The following SMPX variants were observed in gnomAD, a reference collection of about 807,000 sequenced individuals.
SMPX encodes small muscle protein X-linked.
A neutral mutation model predicts 6.3 loss-of-function variants in SMPX; 2 were observed. The observed-to-expected ratio is 0.32, with a 90% CI of 0.13 to 0.99. The LOEUF is 0.99. Ranked by LOEUF, SMPX falls within the 50% of genes least tolerant of loss-of-function variation. The pLI, the probability that SMPX is intolerant of heterozygous loss-of-function variation, is 0.49. For synonymous variants in SMPX, 32 were observed against 24.7 expected, an observed-to-expected ratio of 1.30 and a Z score of -0.88; for missense variants, 60 against 66.8, an observed-to-expected ratio of 0.90 and a Z score of 0.36.
chrX:21,719,437 G>A (rs1048071066), intron 4 of SMPX, among the ~76,000 whole-genome samples: 1 of 110,175 alleles, frequency 9.1e-6, no homozygotes, highest in Non-Finnish European at 1.9e-5. Context: ...AGACTCGCTT[G>A]AACCCGGGAG....
At chrX:21,727,207 G>T (rs2092797949) in intron 4 of SMPX, 1 of 112,693 alleles carries the variant, frequency 8.9e-6, no homozygotes, top group Non-Finnish European at 1.9e-5. Flanking sequence ...GCATTATGAA[G>T]AAGAAGGTTA....
chrX:21,756,725 A>C (rs1487852692), intron 1 of SMPX, among the ~76,000 whole-genome samples: 1 of 112,627 alleles, frequency 8.9e-6, no homozygotes, highest in East Asian at 2.8e-4. Flanking sequence ...GGGACCAAGA[A>C]AAGAAAACTA....
intron 2 of SMPX, among the ~76,000 whole-genome samples, chrX:21,745,388 A>G (rs992726032): frequency 4.5e-5 from 5 of 111,770 alleles, no homozygotes; most frequent in African/African-American, 1.6e-4. Context: ...ATATGGAGCC[A>G]TACTTCATGA....
intron 4 of SMPX, among the ~76,000 whole-genome samples, chrX:21,718,663 A>C (rs192272715): frequency 1.8e-3 from 200 of 112,182 alleles, no homozygotes; most frequent in African/African-American, 6.2e-3. Flanking sequence ...TTTATTGAAC[A>C]GGGGAAATAA....
chrX:21,707,583 C>T (rs1472024567), intron 4 of SMPX, among the ~76,000 whole-genome samples: 1 of 112,520 alleles, frequency 8.9e-6, no homozygotes, highest in Admixed American at 9.4e-5. Flanking sequence ...TTTTCTACCA[C>T]TGTGGGTGGG....
intron 4 of SMPX, among the ~76,000 whole-genome samples, chrX:21,715,296 GTGTGTGTGCGCGCACGCGCGCGCGCT>G (rs2092783231): frequency 9.9e-6 from 1 of 101,230 alleles, no homozygotes; most frequent in Non-Finnish European, 1.9e-5. Flanking sequence ...GTGTGTGTGT[GTGTGTGTGCGCGCACGCGCGCGCGCT>G]CGCGCGCTGG....
chrX:21,740,964 G>C (rs2092815398), intron 3 of SMPX, among the ~76,000 whole-genome samples: 1 of 112,535 alleles, frequency 8.9e-6, no homozygotes, highest in South Asian at 3.7e-4. Context: ...GCAGCTGATT[G>C]TCTTACGCAA....
intron 4 of SMPX, among the ~76,000 whole-genome samples, chrX:21,717,513 C>T (rs2092786546): frequency 8.9e-6 from 1 of 112,611 alleles, no homozygotes; most frequent in South Asian, 3.6e-4. Context: ...GGACACAGCT[C>T]TGTGCTTAAA....
intron 4 of SMPX, among the ~76,000 whole-genome samples, chrX:21,736,012 A>T (rs1341895839): frequency 8.9e-6 from 1 of 111,827 alleles, no homozygotes; most frequent in Non-Finnish European, 1.9e-5. Context: ...CCTGGGATTC[A>T]GTCTATGGTC....
chrX:21,714,662 T>C (rs1236048686), intron 4 of SMPX, among the ~76,000 whole-genome samples: 3 of 112,255 alleles, frequency 2.7e-5, no homozygotes, highest in Non-Finnish European at 5.6e-5. Context: ...TTTTTTGAGA[T>C]TGTGCATATG....
chrX:21,749,698 T>C (rs1007009482), intron 2 of SMPX, among the ~76,000 whole-genome samples: 1 of 112,069 alleles, frequency 8.9e-6, no homozygotes, highest in Non-Finnish European at 1.9e-5. Flanking sequence ...TCCATGGAAA[T>C]CCCACTGCAC....
At chrX:21,737,780 AT>A in intron 3 of SMPX, 83 bp from the exon 4 acceptor site, 1 of 962,290 alleles carries the variant, frequency 1.0e-6, no homozygotes, top group Non-Finnish European at 1.5e-6. Context: ...AGAAAAAAAA[AT>A]TAAAGTAACA....
At chrX:21,708,768 CTT>C (rs1264039708) in intron 4 of SMPX, among the ~76,000 whole-genome samples, 1 of 112,540 alleles carries the variant, frequency 8.9e-6, no homozygotes, top group Non-Finnish European at 1.9e-5. Flanking sequence ...GATTTACTCT[CTT>C]AATACATTTT....
intron 4 of SMPX, among the ~76,000 whole-genome samples, chrX:21,710,832 A>G (rs1419417049): frequency 1.8e-5 from 2 of 111,497 alleles, no homozygotes; most frequent in Non-Finnish European, 3.8e-5. Context: ...TTGAGCACCT[A>G]CTACGTGCCA....
intron 4 of SMPX, among the ~76,000 whole-genome samples, chrX:21,716,810 T>G (rs1305482697): frequency 9.0e-6 from 1 of 111,704 alleles, no homozygotes; most frequent in African/African-American, 3.3e-5. Context: ...AAATAGGATT[T>G]CTTGGAAAGA....
intron 4 of SMPX, among the ~76,000 whole-genome samples, chrX:21,737,145 T>C (rs1301729987): frequency 9.0e-6 from 1 of 111,294 alleles, no homozygotes; most frequent in Non-Finnish European, 1.9e-5. Context: ...AGTTCCTTGA[T>C]CCTCTGATCC....
chrX:21,750,726 G>C (rs1361247795), intron 2 of SMPX, among the ~76,000 whole-genome samples: 1 of 111,842 alleles, frequency 8.9e-6, no homozygotes, highest in Non-Finnish European at 1.9e-5. Flanking sequence ...CTCTTCTTCA[G>C]TGTGGATGTG....
intron 2 of SMPX, among the ~76,000 whole-genome samples, chrX:21,744,330 A>G (rs1405808738): frequency 9.0e-6 from 1 of 111,621 alleles, no homozygotes; most frequent in Non-Finnish European, 1.9e-5. Context: ...CCTGCACTTT[A>G]TTGCCATAGT....
intron 4 of SMPX, among the ~76,000 whole-genome samples, chrX:21,730,617 A>C (rs1276599417): frequency 8.9e-6 from 1 of 111,977 alleles, no homozygotes; most frequent in Non-Finnish European, 1.9e-5. Context: ...TTGCAAACGT[A>C]GAAGGAAATG....
Sources: gnomAD v4.1 joint callset for allele counts (sites outside exome capture counted in the v4.1 genomes callset) on GRCh38, gnomAD v4.1.1 for gene constraint, MANE v1.5 for transcripts, NCBI Gene and HGNC (gene_info 2026-07-23, HGNC 2026-07-21) for gene names.